TNIK: variants seen among roughly 807,000 people sequenced by gnomAD.
TNIK encodes the protein TRAF2 and NCK-interacting protein kinase.
Under a neutral mutation model 191.3 loss-of-function variants are expected in TNIK, and 49 were observed. That is an observed-to-expected ratio of 0.26 (90% CI 0.20 to 0.32). The LOEUF (loss-of-function observed/expected upper bound fraction) is 0.32, where lower values mean the gene tolerates loss of function less well. Ranked by LOEUF, TNIK falls within the 10% of genes least tolerant of loss-of-function variation. TNIK has a pLI of 1.00. For missense variants in TNIK, 1,155 were observed against 1,702.3 expected (o/e 0.68, Z 5.66); for synonymous variants, 594 against 600.9 (o/e 0.99, Z 0.17).
intron 1 of TNIK, among the ~76,000 whole-genome samples, chr3:171,385,727 G>A (rs1268138296): frequency 1.3e-5 from 2 of 152,060 alleles, no homozygotes; most frequent in Non-Finnish European, 2.9e-5. Flanking sequence ...CATGTTAATT[G>A]CATGTATCAT....
At chr3:171,146,621 G>T (rs540386525) in intron 12 of TNIK, among the ~76,000 whole-genome samples, 7 of 152,254 alleles carry the variant, frequency 4.6e-5, no homozygotes, top group African/African-American at 1.7e-4. Context: ...TTGATGGCCG[G>T]GCTCACACCT....
intron 22 of TNIK, among the ~76,000 whole-genome samples, chr3:171,097,368 C>T (rs1358227163): frequency 1.3e-5 from 2 of 152,164 alleles, no homozygotes; most frequent in Admixed American, 1.3e-4. Flanking sequence ...TACAGGTTAA[C>T]AAATTTGATA....
chr3:171,222,020 G>A (rs1400198929), intron 3 of TNIK, among the ~76,000 whole-genome samples: 3 of 152,070 alleles, frequency 2.0e-5, no homozygotes, highest in Admixed American at 1.3e-4. Context: ...GACCTATTAT[G>A]TGTCAGGTAC....
intron 14 of TNIK, among the ~76,000 whole-genome samples, 164 bp from the exon 15 acceptor site, chr3:171,138,543 A>G (rs1345045555): frequency 6.6e-6 from 1 of 152,068 alleles, no homozygotes; most frequent in Non-Finnish European, 1.5e-5. Flanking sequence ...CCACAGAAAT[A>G]AGCTACTGCC....
chr3:171,424,903 C>T (rs1368852250), intron 1 of TNIK, among the ~76,000 whole-genome samples: 2 of 151,038 alleles, frequency 1.3e-5, no homozygotes, highest in African/African-American at 2.4e-5. Context: ...TTAATGGGTG[C>T]AGCACACCAA....
In TNIK at chr3:171,068,865, T is replaced by C. The variant is rs1204263912; in HGVS notation, c.3682A>G (p.Ile1228Val). ...IDVDSGNSYD[I>V]YIPSHIQGNI... ...GTACTTACATGAGATGGTATGTAGA[T>C]ATCATAAGAGTTTCCTGAATCAACA... Residue 1228 changes from isoleucine to valine, a missense_variant, in exon 30 of 33, where the codon ATC (isoleucine) becomes GTC (valine). By Grantham distance (29) the Ile-to-Val change is conservative (BLOSUM62 3). Transcript: ENST00000436636. The C allele has an allele frequency of 1.2e-6, 2 of 1,613,586 alleles. No homozygotes were observed. Among genetic ancestry groups the C allele is most frequent in the South Asian group, 2.2e-5 (2 of 90,986 alleles).
intron 19 of TNIK, among the ~76,000 whole-genome samples, chr3:171,109,737 G>A (rs1725551331): frequency 6.6e-6 from 1 of 152,166 alleles, no homozygotes. Flanking sequence ...GATTCAGAAG[G>A]AGTGAATTTT....
intron 2 of TNIK, among the ~76,000 whole-genome samples, chr3:171,334,270 C>T (rs542961102): frequency 6.6e-6 from 1 of 152,218 alleles, no homozygotes; most frequent in African/African-American, 2.4e-5. Flanking sequence ...CTCTCTCGCT[C>T]TCTCCTCTCT....
chr3:171,338,284 G>T (rs1189704650), intron 2 of TNIK, among the ~76,000 whole-genome samples: 1 of 152,014 alleles, frequency 6.6e-6, no homozygotes, highest in East Asian at 1.9e-4. Context: ...ATGTATAGGG[G>T]TGTGTGTATA....
chr3:171,318,643 T>C (rs1484531000), intron 2 of TNIK, among the ~76,000 whole-genome samples: 5 of 152,148 alleles, frequency 3.3e-5, no homozygotes, highest in Non-Finnish European at 5.9e-5. Context: ...CTTTACATGG[T>C]CTATCGATTT....
intron 22 of TNIK, among the ~76,000 whole-genome samples, chr3:171,100,485 G>T (rs552792723): frequency 6.6e-6 from 1 of 152,178 alleles, no homozygotes; most frequent in Non-Finnish European, 1.5e-5. Flanking sequence ...ATAATTTGTG[G>T]CCTGAAATGG....
chr3:171,434,572 C>T (rs1395244049), intron 1 of TNIK, among the ~76,000 whole-genome samples: 1 of 152,090 alleles, frequency 6.6e-6, no homozygotes, highest in Non-Finnish European at 1.5e-5. Flanking sequence ...ATCTTCCTAC[C>T]TCAGCCTCCT....
At chr3:171,175,352 G>A (rs1327511429) in intron 8 of TNIK, 22 bp from the exon 9 acceptor site, 4 of 1,593,176 alleles carry the variant, frequency 2.5e-6, no homozygotes, top group Non-Finnish European at 3.4e-6. Flanking sequence ...CAAAACAAGG[G>A]CCAGCTACAG....
rs751299134 is a variant in TNIK, at chr3:171,369,585, C to T, written c.123+35G>A. On this transcript the variant is annotated intron_variant, in intron 2 of 32. Coordinates refer to ENST00000436636, the MANE Select transcript of TNIK (RefSeq NM_015028.4). ...CAATTTGTCATTCATGAACTGAAAC[C>T]GTACATAAGCCACTCTCAGACTCAA... The T allele has an allele frequency of 5.2e-6, 8 of 1,532,052 alleles. No individual in the cohort carries two copies. In the South Asian group the frequency reaches 6.1e-5, roughly 12 times the overall value. The allele number at this position is 1,532,052 out of a possible 1,614,324, so 94.9% of individuals were successfully genotyped here.
chr3:171,252,063 CGTGT>C (rs146267125), intron 2 of TNIK, among the ~76,000 whole-genome samples: 8 of 131,600 alleles, frequency 6.1e-5, no homozygotes, highest in East Asian at 2.0e-4. Context: ...ATCTGGTATG[CGTGT>C]GTGTGTGTGT....
intron 2 of TNIK, among the ~76,000 whole-genome samples, chr3:171,254,134 G>A (rs1220312989): frequency 6.6e-6 from 1 of 152,130 alleles, no homozygotes; most frequent in Non-Finnish European, 1.5e-5. Context: ...CAAGAAAATA[G>A]TAACTTCCAG....
chr3:171,296,946 T>G (rs1501606), intron 2 of TNIK, among the ~76,000 whole-genome samples: 70,426 of 152,042 alleles, frequency 0.46, 16,792 homozygotes, highest in Non-Finnish European at 0.48. Context: ...TCTCATAAGT[T>G]AATAATATAA....
At chr3:171,180,871 C>G (rs1577054487) in intron 7 of TNIK, among the ~76,000 whole-genome samples, 1 of 152,128 alleles carries the variant, frequency 6.6e-6, no homozygotes, top group Non-Finnish European at 1.5e-5. Flanking sequence ...CTTCAGATTC[C>G]TACTTTGTCC....
chr3:171,351,041 C>A (rs764488870), intron 2 of TNIK, among the ~76,000 whole-genome samples: 2 of 152,052 alleles, frequency 1.3e-5, no homozygotes, highest in Non-Finnish European at 2.9e-5. Flanking sequence ...CAGGCACGTG[C>A]CTCTACACCT....
Sources: gnomAD v4.1 joint callset for allele counts (sites outside exome capture counted in the v4.1 genomes callset) on GRCh38, gnomAD v4.1.1 for gene constraint, MANE v1.5 for transcripts, NCBI Gene and HGNC (gene_info 2026-07-23, HGNC 2026-07-21) for gene names.